The following CFAP57 variants were observed in gnomAD, a reference collection of about 807,000 sequenced individuals.
CFAP57 encodes cilia- and flagella-associated protein 57.
In CFAP57, 116 loss-of-function variants were observed where a neutral mutation model predicts 146.8. The ratio of observed to expected loss-of-function variants is 0.79; its 90% CI spans 0.68 to 0.92. The LOEUF (loss-of-function observed/expected upper bound fraction) is 0.92, where lower values mean the gene tolerates loss of function less well. CFAP57 is among the 40% of genes least tolerant of loss of function. The pLI is 0.00. For missense variants in CFAP57, 1,377 were observed against 1,527.2 expected (o/e 0.90, Z 1.64); for synonymous variants, 518 against 552.8 (o/e 0.94, Z 0.88).
intron 13 of CFAP57, among the ~76,000 whole-genome samples, chr1:43,220,645 G>T (rs1189186891): frequency 2.0e-5 from 3 of 152,124 alleles, no homozygotes; most frequent in Non-Finnish European, 2.9e-5. Flanking sequence ...GACTGCTCGA[G>T]CCTGGGAGGT....
chr1:43,231,848 C>T (rs1207979743), intron 18 of CFAP57, among the ~76,000 whole-genome samples: 1 of 152,074 alleles, frequency 6.6e-6, no homozygotes, highest in African/African-American at 2.4e-5. Context: ...ACTCCAGCCT[C>T]GGCAACAGAG....
intron 21 of CFAP57, among the ~76,000 whole-genome samples, chr1:43,241,237 A>G (rs898601110): frequency 1.3e-5 from 2 of 152,166 alleles, no homozygotes; most frequent in African/African-American, 2.4e-5. Context: ...ATCTGCTCCC[A>G]TGACCCAAAT....
intron 22 of CFAP57, among the ~76,000 whole-genome samples, chr1:43,247,907 C>T (rs1446054883): frequency 6.6e-6 from 1 of 152,046 alleles, no homozygotes; most frequent in Non-Finnish European, 1.5e-5. Context: ...GGGTGGATCA[C>T]GAGGTCAGGA....
intron 6 of CFAP57, among the ~76,000 whole-genome samples, chr1:43,195,585 A>T (rs1228429713): frequency 1.3e-5 from 2 of 152,174 alleles, no homozygotes; most frequent in Non-Finnish European, 2.9e-5. Context: ...GTAGCAATGG[A>T]CGGTTGAAGA....
intron 13 of CFAP57, among the ~76,000 whole-genome samples, chr1:43,220,410 T>C (rs1330939580): frequency 6.6e-6 from 1 of 152,174 alleles, no homozygotes; most frequent in Non-Finnish European, 1.5e-5. Flanking sequence ...TTTTCTTTGT[T>C]CTACACAAAT....
chr1:43,173,520 C>T (rs1180518450), intron 2 of CFAP57, among the ~76,000 whole-genome samples: 1 of 150,632 alleles, frequency 6.6e-6, no homozygotes. Flanking sequence ...ATCTGTGAAC[C>T]CAGCCACCCA....
At chr1:43,197,840 C>T (rs1643930213) in intron 7 of CFAP57, 148 bp downstream of exon 7, 1 of 1,155,774 alleles carries the variant, frequency 8.7e-7, no homozygotes, top group South Asian at 1.4e-5. Context: ...AGTCAACCTA[C>T]CTGTTTCTCA....
intron 10 of CFAP57, among the ~76,000 whole-genome samples, chr1:43,207,894 A>T (rs1019453157): frequency 2.6e-4 from 39 of 152,364 alleles, no homozygotes; most frequent in African/African-American, 8.9e-4. Context: ...TGTACCCCCG[A>T]GTAGCCTGGT....
chr1:43,213,699 A>T (rs1013852543), intron 11 of CFAP57, among the ~76,000 whole-genome samples: 3 of 152,030 alleles, frequency 2.0e-5, no homozygotes, highest in Non-Finnish European at 2.9e-5. Context: ...TCTCTTCTCC[A>T]CATTCTTGCC....
chr1:43,219,624 C>A, intron 13 of CFAP57, 87 bp downstream of exon 13: 1 of 1,430,462 alleles, frequency 7.0e-7, no homozygotes, highest in Non-Finnish European at 9.6e-7. Context: ...CCAAGCTATG[C>A]TCAAACAGTA....
chr1:43,178,819 T>C (rs928717382), intron 2 of CFAP57, among the ~76,000 whole-genome samples: 5 of 152,170 alleles, frequency 3.3e-5, no homozygotes, highest in African/African-American at 1.2e-4. Flanking sequence ...CATGCTGCTA[T>C]AAAGACACAT....
At chr1:43,204,362 G>A (rs566856779) in intron 9 of CFAP57, among the ~76,000 whole-genome samples, 1 of 152,036 alleles carries the variant, frequency 6.6e-6, no homozygotes, top group Non-Finnish European at 1.5e-5. Context: ...TTGCCTGAAT[G>A]CTTTCTTTCT....
At chr1:43,206,695 CT>C in intron 9 of CFAP57, 24 bp from the exon 10 acceptor site, 1 of 1,613,164 alleles carries the variant, frequency 6.2e-7, no homozygotes, top group Non-Finnish European at 8.5e-7. Context: ...ACACTCTTCA[CT>C]GGATATGTCT....
intron 4 of CFAP57, among the ~76,000 whole-genome samples, chr1:43,184,306 T>C (rs1645550062): frequency 6.6e-6 from 1 of 152,094 alleles, no homozygotes; most frequent in South Asian, 2.1e-4. Flanking sequence ...AGGAAATGTT[T>C]TAGGTAAATC....
At chr1:43,216,194 A>T (rs548129549) in intron 12 of CFAP57, among the ~76,000 whole-genome samples, 2 of 152,284 alleles carry the variant, frequency 1.3e-5, no homozygotes, top group South Asian at 2.1e-4. Context: ...GGCACTGGGG[A>T]TGCACATGTG....
intron 2 of CFAP57, among the ~76,000 whole-genome samples, chr1:43,180,223 T>TTATATATA (rs1289107795): frequency 3.6e-5 from 5 of 137,398 alleles, no homozygotes; most frequent in African/African-American, 1.1e-4. Flanking sequence ...TATATATATT[T>TTATATATA]TATATATATA....
At position 43,238,977 on chromosome 1, in the gene CFAP57, T is replaced by C. The variant is rs1645804875; in HGVS notation, c.3406-4250T>C. Among the ~76,000 whole-genome samples, 1 of 152,006 alleles carries C rather than the reference T, an allele frequency of 6.6e-6. No homozygotes were observed. The highest frequency in any genetic ancestry group is 2.4e-5 in the African/African-American group (1 of 41,390). On this transcript the variant is annotated intron_variant, in intron 21 of 22. Transcript: ENST00000372492. This position sits in a 1 kb window ranked among gnomAD's most constrained non-coding sequence, Gnocchi z 4.3. ...TCAACCCTTGCAATTGTGGTTACTC[T>C]TATTATCGTTATCATCAAGCTCTTC...
At chr1:43,224,818 AG>A (rs1400632233) in intron 17 of CFAP57, among the ~76,000 whole-genome samples, 1 of 152,204 alleles carries the variant, frequency 6.6e-6, no homozygotes, top group Admixed American at 6.5e-5. Context: ...GGCCCAAGGC[AG>A]GTGGAATTCT....
chr1:43,221,321 G>C (rs1645035833), intron 13 of CFAP57, 51 bp from the exon 14 acceptor site: 2 of 1,367,510 alleles, frequency 1.5e-6, no homozygotes, highest in Non-Finnish European at 2.0e-6. Flanking sequence ...TCTTGCCCTA[G>C]TAGTGCTTTC....
Sources: allele counts gnomAD v4.1 joint callset (sites outside exome capture counted in the v4.1 genomes callset), GRCh38; gene constraint gnomAD v4.1.1; non-coding constraint Gnocchi (gnomAD v3.1); transcripts MANE v1.5; gene names NCBI Gene and HGNC (gene_info 2026-07-23, HGNC 2026-07-21).